The following MMP26 variants were observed in gnomAD, a reference collection of about 807,000 sequenced individuals.
The protein encoded by MMP26 is matrix metallopeptidase 26.
MMP26 carries 33 observed loss-of-function variants against 31.0 expected under a neutral mutation model. The ratio of observed to expected loss-of-function variants is 1.06; its 90% CI spans 0.81 to 1.42. MMP26 has a LOEUF of 1.42. MMP26 is among the 40% of genes most tolerant of loss of function. The probability of loss-of-function intolerance (pLI) is 0.00; values close to 1 mark genes in which losing one functional copy is unlikely to be tolerated. For missense variants in MMP26, 347 were observed against 316.1 expected (o/e 1.10, Z -0.74); for synonymous variants, 122 against 114.9 (o/e 1.06, Z -0.40).
intron 2 of MMP26, chr11:4,955,645 T>C (rs772367228): frequency 6.5e-7 from 1 of 1,529,286 alleles, no homozygotes; most frequent in Non-Finnish European, 9.0e-7. Flanking sequence ...TGTGTGCATA[T>C]TCTAGCCCTG....
chr11:4,988,146 C>T lies in MMP26; in HGVS notation c.-66C>T. 1 of 1,390,978 alleles carries T rather than the reference C, an allele frequency of 7.2e-7. No homozygotes were observed. Among genetic ancestry groups the T allele is most frequent in the Admixed American group, 1.7e-5 (1 of 59,714 alleles). 86.2% of individuals were successfully genotyped at this position (1,390,978 alleles called of 1,614,324 possible). ...GAGTCATTGGATGTTGCTGGCACAG[C>T]TATAAAGATCCAGTGGCCCAAGTTG... is the stretch of plus-strand genomic sequence containing the variant. On this transcript the variant is annotated 5_prime_UTR_variant, in exon 3 of 8. Coordinates refer to ENST00000380390, the MANE Select transcript of MMP26 (RefSeq NM_021801.5).
In MMP26 at chr11:4,990,631, C is replaced by T. The variant is rs370656097; in HGVS notation, c.354C>T (p.Ser118=). The T allele has an allele frequency of 7.0e-5, 113 of 1,613,144 alleles. No individual in the cohort carries two copies. The Admixed American group carries it at 1.4e-3, about 19-fold the overall frequency. Residue 118 remains serine (S), a synonymous_variant, in exon 5 of 8, where the codon TCC becomes TCT. Coordinates refer to ENST00000380390, the MANE Select transcript of MMP26 (RefSeq NM_021801.5). ...IINYPHDMKP[S]AVKDSIYNAV... ...ATTACCCACATGATATGAAGCCATCCGCAGTGAAAGACAGTATATATAATG... is the reference window on the plus strand; with the variant it reads ...ATTACCCACATGATATGAAGCCATCTGCAGTGAAAGACAGTATATATAATG...
At chr11:4,822,249 C>G (rs756419697) in intron 2 of MMP26, 1 of 1,571,600 alleles carries the variant, frequency 6.4e-7, no homozygotes, top group Non-Finnish European at 8.6e-7. Context: ...TTGTCCACAT[C>G]ATCATGGCCA....
intron 2 of MMP26, among the ~76,000 whole-genome samples, chr11:4,790,743 A>G (rs897464384): frequency 6.6e-6 from 1 of 152,208 alleles, no homozygotes; most frequent in Non-Finnish European, 1.5e-5. Flanking sequence ...GCCTCCTGCC[A>G]TAGGCTCTTA....
chr11:4,763,193 T>C (rs1179943922), intron 1 of MMP26, among the ~76,000 whole-genome samples: 1 of 152,144 alleles, frequency 6.6e-6, no homozygotes, highest in Non-Finnish European at 1.5e-5. Flanking sequence ...GAAGTCTGCA[T>C]CAAAGAAGCC....
At chr11:4,882,421 C>T (rs146932329) in intron 2 of MMP26, 19 of 1,613,786 alleles carry the variant, frequency 1.2e-5, no homozygotes, top group Middle Eastern at 1.6e-4. Context: ...ATGGGGGTCA[C>T]GAGCTTTCCC....
chr11:4,720,549 G>A (rs1318106222), intron 1 of MMP26, among the ~76,000 whole-genome samples: 1 of 151,990 alleles, frequency 6.6e-6, no homozygotes, highest in Non-Finnish European at 1.5e-5. Context: ...GGACTGAAAG[G>A]GAAAAAAAGG....
At chr11:4,886,743 C>CTG (rs1241472499) in intron 2 of MMP26, among the ~76,000 whole-genome samples, 1 of 91,748 alleles carries the variant, frequency 1.1e-5, no homozygotes, top group Non-Finnish European at 3.4e-5. Flanking sequence ...TGACAGACAG[C>CTG]CTGTTGGCAA....
chr11:4,861,608 C>T (rs566199112), intron 2 of MMP26, among the ~76,000 whole-genome samples: 2 of 151,930 alleles, frequency 1.3e-5, no homozygotes, highest in South Asian at 4.1e-4. Context: ...AATATTTAAT[C>T]TTCAGAAATT....
intron 2 of MMP26, among the ~76,000 whole-genome samples, chr11:4,801,969 C>T (rs965730254): frequency 2.0e-5 from 3 of 152,182 alleles, no homozygotes; most frequent in African/African-American, 7.2e-5. Context: ...TAGGCCCCAC[C>T]TCCAACACTG....
In MMP26 at chr11:4,806,551, C is replaced by CT. The variant is rs1308632092; in HGVS notation, c.-145+39216dup. ...CAGAGACTAGGATTGCAATCTCTGC[C>CT]TTTTTTGGTTTTCCATTTGCTTGGT... On this transcript the variant is annotated intron_variant, in intron 2 of 7. Transcript: ENST00000380390. 4.0e-4 allele frequency among the ~76,000 whole-genome samples: 61 copies of CT among 151,934 alleles called. 1 individual carries two copies. The highest frequency in any genetic ancestry group is 1.4e-3 in the African/African-American group (59 of 41,350).
chr11:4,812,077 T>C (rs556033528), intron 2 of MMP26, among the ~76,000 whole-genome samples: 2 of 152,242 alleles, frequency 1.3e-5, no homozygotes, highest in South Asian at 4.2e-4. Flanking sequence ...AAACTTATAG[T>C]CACGCCAATC....
At chr11:4,772,605 A>G (rs1481859946) in intron 2 of MMP26, among the ~76,000 whole-genome samples, 1 of 152,174 alleles carries the variant, frequency 6.6e-6, no homozygotes, top group Non-Finnish European at 1.5e-5. Flanking sequence ...TCTCATGTGC[A>G]TGTATTCTTA....
chr11:4,721,195 A>G (rs549661208), intron 1 of MMP26, among the ~76,000 whole-genome samples: 2 of 152,266 alleles, frequency 1.3e-5, no homozygotes, highest in South Asian at 4.2e-4. Context: ...AGCCACCACA[A>G]TGGAGTAAGG....
intron 2 of MMP26, among the ~76,000 whole-genome samples, chr11:4,983,724 T>G (rs1224970641): frequency 6.6e-6 from 1 of 152,192 alleles, no homozygotes; most frequent in African/African-American, 2.4e-5. Context: ...TAAAACTTTC[T>G]GGTTAAATTC....
chr11:4,752,216 A>T (rs1468845588), intron 1 of MMP26: 1 of 152,214 alleles, frequency 6.6e-6, no homozygotes, highest in African/African-American at 2.4e-5. Context: ...GGCTGATCAA[A>T]GGGATGTAGA....
intron 2 of MMP26, among the ~76,000 whole-genome samples, chr11:4,851,806 T>C (rs1452923223): frequency 6.6e-6 from 1 of 151,822 alleles, no homozygotes; most frequent in African/African-American, 2.4e-5. Flanking sequence ...ACTAATAAAA[T>C]GGTAAAAAAA....
In MMP26 at chr11:4,746,831, TCACACACACACACACACACA is replaced by T. The variant is rs3223670; in HGVS notation, c.-216-20412_-216-20393del. ...CCTGGGCAACAAGAGTAAGTCTCTG[TCACACACACACACACACACA>T]CACACACACACACACACACACACAC... On this transcript the variant is annotated intron_variant, in intron 1 of 7. Coordinates refer to ENST00000380390, the MANE Select transcript of MMP26 (RefSeq NM_021801.5). Among the ~76,000 whole-genome samples, 320 of 137,218 alleles carry T rather than the reference TCACACACACACACACACACA, an allele frequency of 2.3e-3. 3 individuals carry two copies. Among genetic ancestry groups the T allele is most frequent in the South Asian group, 6.9e-3 (27 of 3,932 alleles). The allele number at this position is 137,218 out of a possible 152,430, so 90.0% of individuals were successfully genotyped here. A position where few individuals can be genotyped will look rare whatever the true frequency, so the allele number is the denominator to read the frequency against.
intron 1 of MMP26, among the ~76,000 whole-genome samples, chr11:4,737,363 G>A (rs750494217): frequency 2.6e-5 from 4 of 152,110 alleles, no homozygotes; most frequent in Non-Finnish European, 5.9e-5. Flanking sequence ...CCCAGAGGTG[G>A]CCAGGCACAG....
Sources: allele counts gnomAD v4.1 joint callset (sites outside exome capture counted in the v4.1 genomes callset), GRCh38; gene constraint gnomAD v4.1.1; transcripts MANE v1.5; gene names NCBI Gene and HGNC (gene_info 2026-07-23, HGNC 2026-07-21).